Variants in DOCK3 observed in about 807,000 individuals in gnomAD.
DOCK3 encodes dedicator of cytokinesis 3.
DOCK3 carries 60 observed loss-of-function variants against 265.6 expected under a neutral mutation model. That is an observed-to-expected ratio of 0.23 (90% CI 0.18 to 0.28). DOCK3 has a LOEUF of 0.28. Ranked by LOEUF, DOCK3 falls within the 10% of genes least tolerant of loss-of-function variation. DOCK3 has a pLI of 1.00. For synonymous variants in DOCK3, 881 were observed against 938.0 expected, an observed-to-expected ratio of 0.94 and a Z score of 1.11; for missense variants, 1,981 against 2,594.3, an observed-to-expected ratio of 0.76 and a Z score of 5.14.
intron 1 of DOCK3, among the ~76,000 whole-genome samples, chr3:50,761,196 C>A (rs2040511182): frequency 1.3e-5 from 2 of 152,036 alleles, no homozygotes; most frequent in South Asian, 4.2e-4. Flanking sequence ...ATAAACAAAG[C>A]TGCAATGTTT....
chr3:50,935,313 T>C (rs185831382), intron 5 of DOCK3, among the ~76,000 whole-genome samples: 206 of 152,324 alleles, frequency 1.4e-3, no homozygotes, highest in Admixed American at 3.9e-3. Flanking sequence ...GTTTTATACA[T>C]ACATCCTCCC....
intron 27 of DOCK3, among the ~76,000 whole-genome samples, chr3:51,287,384 A>G (rs1191405286): frequency 6.6e-6 from 1 of 152,038 alleles, no homozygotes; most frequent in African/African-American, 2.4e-5. Context: ...CCCCATCTTG[A>G]CAAAAAAAAT....
In DOCK3 at chr3:51,383,491, G is replaced by C. The variant is rs566020662; in HGVS notation, c.*1932G>C. On this transcript the variant is annotated 3_prime_UTR_variant, in exon 53 of 53. Coordinates refer to ENST00000266037, the MANE Select transcript of DOCK3 (RefSeq NM_004947.5). ...TTTGATTCATAGGTAGGAGGGCTTA[G>C]ATTTTAAGGCACTTCTGAAAGTCAA... 3 of 152,476 alleles carry C rather than the reference G, an allele frequency of 2.0e-5. No individual in the cohort carries two copies. In the East Asian group the frequency reaches 5.8e-4, roughly 29 times the overall value. The allele number at this position is 152,476 out of a possible 1,614,324, so 9.4% of individuals were successfully genotyped here. A position where few individuals can be genotyped will look rare whatever the true frequency, so the allele number is the denominator to read the frequency against.
At chr3:51,023,413 C>T (rs575199384) in intron 5 of DOCK3, among the ~76,000 whole-genome samples, 6 of 151,932 alleles carry the variant, frequency 3.9e-5, no homozygotes, top group African/African-American at 1.2e-4. Context: ...TTTTTGTTGT[C>T]GTTGTTGTTC....
At chr3:50,737,604 C>T (rs184166053) in intron 1 of DOCK3, among the ~76,000 whole-genome samples, 1 of 151,960 alleles carries the variant, frequency 6.6e-6, no homozygotes, top group East Asian at 1.9e-4. Context: ...TTTTTCAGTT[C>T]ATTTCATTCT....
chr3:50,997,683 C>A (rs982292833), intron 5 of DOCK3, among the ~76,000 whole-genome samples: 1 of 152,152 alleles, frequency 6.6e-6, no homozygotes. Flanking sequence ...CTGGTGGTTG[C>A]TTTGGTGCTG....
At chr3:51,272,960 C>T (rs751708933) in intron 24 of DOCK3, among the ~76,000 whole-genome samples, 1 of 151,806 alleles carries the variant, frequency 6.6e-6, no homozygotes, top group Non-Finnish European at 1.5e-5. Context: ...ATCAGGAGAT[C>T]GAGACATCCT....
At chr3:51,128,137 C>T (rs2084349320) in intron 9 of DOCK3, among the ~76,000 whole-genome samples, 1 of 152,176 alleles carries the variant, frequency 6.6e-6, no homozygotes, top group African/African-American at 2.4e-5. Flanking sequence ...TCTTCTGGAA[C>T]TAAGACCTCT....
intron 4 of DOCK3, among the ~76,000 whole-genome samples, chr3:50,926,366 A>G (rs1346336724): frequency 6.6e-6 from 1 of 152,200 alleles, no homozygotes; most frequent in Non-Finnish European, 1.5e-5. Context: ...TTTTTAAAAA[A>G]GTTTGCCTAT....
intron 1 of DOCK3, among the ~76,000 whole-genome samples, chr3:50,735,948 C>T (rs894041101): frequency 2.6e-5 from 4 of 152,062 alleles, no homozygotes; most frequent in Non-Finnish European, 5.9e-5. Context: ...GTGTACACAA[C>T]GTGCAGGTTT....
intron 1 of DOCK3, among the ~76,000 whole-genome samples, chr3:50,720,692 T>C (rs925887325): frequency 6.6e-6 from 1 of 152,072 alleles, no homozygotes; most frequent in African/African-American, 2.4e-5. Flanking sequence ...TACCCAGTAA[T>C]GTGATTGCTG....
At chr3:50,713,648 A>G (rs1203562504) in intron 1 of DOCK3, among the ~76,000 whole-genome samples, 4 of 151,490 alleles carry the variant, frequency 2.6e-5, no homozygotes, top group Admixed American at 2.6e-4. Context: ...TTATATATAT[A>G]TATATATTTT....
At chr3:51,005,041 T>TTC (rs1183970509) in intron 5 of DOCK3, among the ~76,000 whole-genome samples, 17 of 151,904 alleles carry the variant, frequency 1.1e-4, no homozygotes, top group Admixed American at 1.1e-3. Context: ...TGAAACATTC[T>TTC]TCATTTTAAG....
chr3:51,135,238 C>G (rs548605477), intron 9 of DOCK3, among the ~76,000 whole-genome samples: 5 of 152,194 alleles, frequency 3.3e-5, no homozygotes, highest in African/African-American at 1.2e-4. Context: ...ACTGCTAAAT[C>G]TGGTCAGCTG....
chr3:51,101,584 A>G (rs1047885933), intron 9 of DOCK3, among the ~76,000 whole-genome samples: 13 of 152,234 alleles, frequency 8.5e-5, no homozygotes, highest in African/African-American at 3.1e-4. Context: ...AATAGCCATA[A>G]TATGTACACA....
intron 26 of DOCK3, chr3:51,278,154 C>T: frequency 1.0e-6 from 1 of 985,398 alleles, no homozygotes; most frequent in Non-Finnish European, 1.2e-6. Context: ...ATAATTTTCT[C>T]AGAATTGGCT....
rs552665823 is a variant in DOCK3, at chr3:51,306,479, C to G, written c.2923-3753C>G. On this transcript the variant is annotated intron_variant, in intron 27 of 52. Coordinates refer to ENST00000266037, the MANE Select transcript of DOCK3 (RefSeq NM_004947.5). ...TCATCAATTTTGGAAAGTTTTTGCC[C>G]ATTATTTCTTCCCATTTCTCTTTCT... Among the ~76,000 whole-genome samples, 412 of 152,170 alleles carry G rather than the reference C, an allele frequency of 2.7e-3. 2 individuals are homozygous for G. Among genetic ancestry groups the G allele is most frequent in the African/African-American group, 9.5e-3 (393 of 41,532 alleles).
chr3:51,186,987 G>A (rs542779242), intron 12 of DOCK3, among the ~76,000 whole-genome samples: 2 of 152,332 alleles, frequency 1.3e-5, no homozygotes, highest in African/African-American at 4.8e-5. Flanking sequence ...CCCACACAGA[G>A]TCCCTACTGA....
At chr3:50,841,155 A>T (rs1314297934) in intron 2 of DOCK3, among the ~76,000 whole-genome samples, 2 of 152,238 alleles carry the variant, frequency 1.3e-5, no homozygotes, top group African/African-American at 4.8e-5. Flanking sequence ...TGTGTAATTG[A>T]AACTTTTATT....
Sources: allele counts gnomAD v4.1 joint callset (sites outside exome capture counted in the v4.1 genomes callset), GRCh38; gene constraint gnomAD v4.1.1; transcripts MANE v1.5; gene names NCBI Gene and HGNC (gene_info 2026-07-23, HGNC 2026-07-21).